The following CEP112 variants were observed in gnomAD, a reference collection of about 807,000 sequenced individuals.
CEP112 encodes centrosomal protein of 112 kDa.
A neutral mutation model predicts 153.0 loss-of-function variants in CEP112; 127 were observed. The ratio of observed to expected loss-of-function variants is 0.83; its 90% CI spans 0.72 to 0.96. CEP112 has a LOEUF of 0.96. Among genes scored for constraint, CEP112 ranks in the 40% least tolerant of loss-of-function variants. CEP112 has a pLI of 0.00. For synonymous variants in CEP112, 358 were observed against 374.4 expected (o/e 0.96, Z 0.51); for missense variants, 1,089 against 1,101.2 (o/e 0.99, Z 0.16).
chr17:65,971,442 G>A (rs954745391), intron 17 of CEP112, among the ~76,000 whole-genome samples: 1 of 61,030 alleles, frequency 1.6e-5, no homozygotes, highest in Non-Finnish European at 3.5e-5. Flanking sequence ...TTACATGGAT[G>A]CCGCATGCAT....
intron 21 of CEP112, among the ~76,000 whole-genome samples, chr17:65,793,313 C>A (rs2054707984): frequency 6.6e-6 from 1 of 152,010 alleles, no homozygotes; most frequent in Non-Finnish European, 1.5e-5. Context: ...TGAGGGAGAA[C>A]AACACACAAT....
At chr17:66,008,027 G>A (rs2064347240) in intron 16 of CEP112, among the ~76,000 whole-genome samples, 1 of 152,022 alleles carries the variant, frequency 6.6e-6, no homozygotes, top group South Asian at 2.1e-4. Context: ...CTGACAGATT[G>A]ACACATAGAG....
At chr17:65,996,594 T>A (rs1033994811) in intron 17 of CEP112, among the ~76,000 whole-genome samples, 21 of 152,174 alleles carry the variant, frequency 1.4e-4, no homozygotes, top group African/African-American at 4.8e-4. Flanking sequence ...CTCACCACTG[T>A]CCCAGAGTCC....
chr17:65,841,142 T>G (rs537034789), intron 21 of CEP112, among the ~76,000 whole-genome samples: 4 of 152,160 alleles, frequency 2.6e-5, no homozygotes, highest in African/African-American at 9.6e-5. Flanking sequence ...GCAATTCCAC[T>G]GCTGAATATA....
intron 11 of CEP112, among the ~76,000 whole-genome samples, chr17:66,054,748 T>C (rs924221263): frequency 6.6e-6 from 1 of 152,074 alleles, no homozygotes; most frequent in Non-Finnish European, 1.5e-5. Flanking sequence ...AATGATATAT[T>C]TGGCTTTTTG....
intron 7 of CEP112, 52 bp from the exon 8 acceptor site, chr17:66,096,380 T>C (rs1288927959): frequency 6.5e-7 from 1 of 1,537,910 alleles, no homozygotes; most frequent in African/African-American, 1.4e-5. Flanking sequence ...GGTTTATCCT[T>C]AACCCCAAAG....
At chr17:66,000,279 T>C (rs1485320817) in intron 17 of CEP112, among the ~76,000 whole-genome samples, 2 of 151,052 alleles carry the variant, frequency 1.3e-5, no homozygotes, top group Non-Finnish European at 2.9e-5. Flanking sequence ...TAAGATGGTA[T>C]CTCATTGTGG....
At chr17:65,890,472 C>G (rs1008452355) in intron 20 of CEP112, among the ~76,000 whole-genome samples, 3 of 152,170 alleles carry the variant, frequency 2.0e-5, no homozygotes, top group African/African-American at 7.2e-5. Flanking sequence ...CTCCTCAGAC[C>G]TGATGCCCCC....
In CEP112 at chr17:65,762,440, T is replaced by C. The variant is rs575769163; in HGVS notation, c.2395-11716A>G. 1.4e-4 allele frequency among the ~76,000 whole-genome samples: 21 copies of C among 152,196 alleles called. 1 individual carries two copies. The highest frequency in any genetic ancestry group is 4.2e-4 in the South Asian group (2 of 4,818). On this transcript the variant is annotated intron_variant, in intron 21 of 26. Transcript: ENST00000535342. The stretch of plus-strand genomic sequence containing the variant: ...GGCCATTGACATCCAAAGTGATTAC[T>C]TGATATAGTTAGATCATAGCTACCA...
Position 65,635,687 on chromosome 17 carries a change from A to G in CEP112, c.*284T>C, listed in dbSNP as rs2044735923. On this transcript the variant is annotated 3_prime_UTR_variant, in exon 27 of 27. Transcript: ENST00000535342. ...TGCAAAAGGATTAACAAGGCATATCATAGGAAATCACTTTGCCCAATATAA... is the reference window on the plus strand; with the variant it reads ...TGCAAAAGGATTAACAAGGCATATCGTAGGAAATCACTTTGCCCAATATAA... 2.2e-6 allele frequency: 1 copy of G among 459,706 alleles called. No homozygotes were observed. Among genetic ancestry groups the G allele is most frequent in the Admixed American group, 4.0e-5 (1 of 24,708 alleles). 28.5% of individuals were successfully genotyped at this position (459,706 alleles called of 1,614,324 possible).
chr17:66,083,461 T>TA (rs2067800514), intron 8 of CEP112, among the ~76,000 whole-genome samples: 2 of 152,338 alleles, frequency 1.3e-5, no homozygotes, highest in African/African-American at 4.8e-5. Flanking sequence ...CTATAATCTG[T>TA]AAAAAATTGG....
At position 65,637,120 on chromosome 17, in the gene CEP112, G is replaced by A; in HGVS notation, c.2864+4C>T. On this transcript the variant is annotated splice_donor_region_variant and intron_variant, in intron 26 of 26. Transcript: ENST00000535342. ...GAGACAAGACACCTGCTTATGGGCT[G>A]TACCTTCTGCCTTGATATGTAGTCA... The A allele has an allele frequency of 6.2e-7, 1 of 1,612,050 alleles. No homozygotes were observed. The highest frequency in any genetic ancestry group is 8.5e-7 in the Non-Finnish European group (1 of 1,178,088).
chr17:66,015,385 A>AT (rs5821558), intron 16 of CEP112, among the ~76,000 whole-genome samples: 13 of 151,786 alleles, frequency 8.6e-5, no homozygotes, highest in Non-Finnish European at 1.3e-4. Flanking sequence ...GTTCTTGAGT[A>AT]TTTTTTTTGT....
rs925343521 is a variant in CEP112 at position 66,128,239 on chromosome 17, G to T, written c.642+1507C>A. Among the ~76,000 whole-genome samples, 6 of 134,466 alleles carry T rather than the reference G, an allele frequency of 4.5e-5. No individual in the cohort carries two copies. The Admixed American group carries it at 5.4e-4, about 12-fold the overall frequency. 88.2% of individuals were successfully genotyped at this position (134,466 alleles called of 152,430 possible). A position where few individuals can be genotyped will look rare whatever the true frequency, so the allele number is the denominator to read the frequency against. ...GATTGCTTGAACCCAGGAGGCAGAG[G>T]TTGCAGTGAGCCACAATAGCACCAC... On this transcript the variant is annotated intron_variant, in intron 6 of 26. Coordinates refer to ENST00000535342, the MANE Select transcript of CEP112 (RefSeq NM_001199165.4).
chr17:65,816,737 T>C (rs961134715), intron 21 of CEP112, among the ~76,000 whole-genome samples: 1 of 152,022 alleles, frequency 6.6e-6, no homozygotes, highest in African/African-American at 2.4e-5. Flanking sequence ...GTGTCTGTAG[T>C]CTGTAGTTCT....
chr17:65,880,778 A>C (rs192747270), intron 20 of CEP112, among the ~76,000 whole-genome samples: 1 of 152,216 alleles, frequency 6.6e-6, no homozygotes, highest in Non-Finnish European at 1.5e-5. Flanking sequence ...AGTGCTCAAC[A>C]TCAGTTAAAC....
Position 65,698,802 on chromosome 17 carries a change from A to T in CEP112, c.2608-9584T>A, listed in dbSNP as rs78040992. 6.6e-3 allele frequency among the ~76,000 whole-genome samples: 1,010 copies of T among 152,290 alleles called. 10 individuals carry two copies. Among genetic ancestry groups the T allele is most frequent in the African/African-American group, 0.023 (967 of 41,574 alleles). Reference sequence around the variant, plus strand: ...AGAGGAATTTCCTCGTCTGGCCAGGATGATAAGCACTCAAACTTGAGTTCA... The same window carrying T: ...AGAGGAATTTCCTCGTCTGGCCAGGTTGATAAGCACTCAAACTTGAGTTCA... On this transcript the variant is annotated intron_variant, in intron 23 of 26. Coordinates refer to ENST00000535342, the MANE Select transcript of CEP112 (RefSeq NM_001199165.4).
intron 6 of CEP112, among the ~76,000 whole-genome samples, chr17:66,104,957 T>C (rs2146334310): frequency 6.6e-6 from 1 of 152,340 alleles, no homozygotes; most frequent in South Asian, 2.1e-4. Context: ...GGTCACTGGT[T>C]ATAGTAAGTA....
rs2058488281 is a variant in CEP112, at chr17:65,866,418, G to A, written c.2164-14384C>T. 2.0e-5 allele frequency among the ~76,000 whole-genome samples: 3 copies of A among 152,374 alleles called. No individual in the cohort carries two copies. In the South Asian group the frequency reaches 6.2e-4, roughly 32 times the overall value. On this transcript the variant is annotated intron_variant, in intron 20 of 26. Transcript: ENST00000535342. ...TGCGCCCCTTGGCACAAACAGCCTG[G>A]GCAACATGAATGGCAGCAGGAGGCA...
Sources: gnomAD v4.1 joint callset for allele counts (sites outside exome capture counted in the v4.1 genomes callset) on GRCh38, gnomAD v4.1.1 for gene constraint, MANE v1.5 for transcripts, NCBI Gene and HGNC (gene_info 2026-07-23, HGNC 2026-07-21) for gene names.